PLA2G5: variants seen among roughly 807,000 people sequenced by gnomAD.
The protein encoded by PLA2G5 is Ca2+-dependent phospholipase A2.
In PLA2G5, 12 loss-of-function variants were observed where a neutral mutation model predicts 15.9. The observed-to-expected ratio is 0.76, with a 90% CI of 0.48 to 1.23. The LOEUF is 1.23. PLA2G5 is among the 50% of genes most tolerant of loss of function. The probability of loss-of-function intolerance (pLI) is 0.00; values close to 1 mark genes in which losing one functional copy is unlikely to be tolerated. For missense variants in PLA2G5, 169 were observed against 177.1 expected, an observed-to-expected ratio of 0.95 and a Z score of 0.26; for synonymous variants, 71 against 71.4, an observed-to-expected ratio of 0.99 and a Z score of 0.03.
intron 1 of PLA2G5, among the ~76,000 whole-genome samples, chr1:20,053,898 C>A (rs1557732338): frequency 6.6e-6 from 1 of 152,156 alleles, no homozygotes; most frequent in Non-Finnish European, 1.5e-5. Flanking sequence ...TTTATAGTAC[C>A]ATACTACACA....
Position 20,091,708 on chromosome 1 carries a change from A to G in PLA2G5, c.*1016A>G, listed in dbSNP as rs984352870. ...AAAAAACCAACCCGTCTATCAATTC[A>G]TAAAAGAAAGGATGTTCTGATACCA... On this transcript the variant is annotated 3_prime_UTR_variant, in exon 5 of 5. Transcript: ENST00000375108. Among the ~76,000 whole-genome samples the G allele has an allele frequency of 6.6e-6, 1 of 152,164 alleles. No individual in the cohort carries two copies. Among genetic ancestry groups the G allele is most frequent in the African/African-American group, 2.4e-5 (1 of 41,432 alleles).
At chr1:20,035,225 A>G (rs763384428) in intron 1 of PLA2G5, among the ~76,000 whole-genome samples, 11 of 152,150 alleles carry the variant, frequency 7.2e-5, no homozygotes, top group Middle Eastern at 3.2e-3. Flanking sequence ...GAGATGGGAG[A>G]CCAACTTAAT....
intron 2 of PLA2G5, 37 bp from the exon 3 acceptor site, chr1:20,086,046 G>C (rs1446751556): frequency 8.1e-6 from 13 of 1,611,892 alleles, no homozygotes; most frequent in Non-Finnish European, 1.1e-5. Context: ...GGGCTGGGCT[G>C]CCTGGGTGTC....
intron 1 of PLA2G5, chr1:20,070,747 G>T (rs656110): frequency 6.6e-6 from 1 of 152,160 alleles, no homozygotes; most frequent in South Asian, 2.1e-4. Context: ...ACCAGGGAGA[G>T]TTATGAACAG....
chr1:20,029,342 C>T (rs1475750373), intron 1 of PLA2G5, among the ~76,000 whole-genome samples: 2 of 152,140 alleles, frequency 1.3e-5, no homozygotes, highest in Non-Finnish European at 2.9e-5. Context: ...TGTGTTCCTC[C>T]CCTGATACGT....
chr1:20,086,250 C>T (rs774101682), intron 3 of PLA2G5, 23 bp downstream of exon 3: 2 of 1,612,408 alleles, frequency 1.2e-6, no homozygotes, highest in South Asian at 2.2e-5. Context: ...CTATAACTGC[C>T]CTTTAGGCTC....
intron 1 of PLA2G5, among the ~76,000 whole-genome samples, chr1:20,056,527 T>C (rs1191342969): frequency 6.6e-6 from 1 of 152,220 alleles, no homozygotes; most frequent in Non-Finnish European, 1.5e-5. Flanking sequence ...TAATTGATTT[T>C]AAAATGTTGG....
chr1:20,076,370 G>A (rs2015680629), intron 1 of PLA2G5, among the ~76,000 whole-genome samples: 3 of 152,120 alleles, frequency 2.0e-5, no homozygotes, highest in African/African-American at 7.2e-5. Flanking sequence ...TTAACCAACT[G>A]TAACTCAGCT....
At chr1:20,074,773 G>A (rs747293660) in intron 1 of PLA2G5, among the ~76,000 whole-genome samples, 7 of 152,222 alleles carry the variant, frequency 4.6e-5, no homozygotes, top group African/African-American at 1.2e-4. Context: ...ACTGCTTAGC[G>A]CGTCCGTGCC....
intron 1 of PLA2G5, among the ~76,000 whole-genome samples, chr1:20,058,176 C>T (rs1234002245): frequency 6.6e-6 from 1 of 152,122 alleles, no homozygotes; most frequent in African/African-American, 2.4e-5. Flanking sequence ...CAACTATGTC[C>T]TTACTGACTT....
rs1308705773 is a variant in PLA2G5 at position 20,091,181 on chromosome 1, T to G, written c.*489T>G. On this transcript the variant is annotated 3_prime_UTR_variant, in exon 5 of 5. Transcript: ENST00000375108. ...AGGCTAATAAAAACCACATTGGCAT[T>G]TTCCTCTGCTGTGGGGGATCGCTGG... 1 of 153,192 alleles carries G rather than the reference T, an allele frequency of 6.5e-6. No homozygotes were observed. Among genetic ancestry groups the G allele is most frequent in the African/African-American group, 2.4e-5 (1 of 41,462 alleles). 9.5% of individuals were successfully genotyped at this position (153,192 alleles called of 1,614,324 possible).
chr1:20,087,992 C>A (rs2016378297), intron 3 of PLA2G5, among the ~76,000 whole-genome samples: 1 of 152,154 alleles, frequency 6.6e-6, no homozygotes, highest in Non-Finnish European at 1.5e-5. Context: ...AAATGTCTAA[C>A]CAGTACCCCC....
intron 1 of PLA2G5, among the ~76,000 whole-genome samples, chr1:20,051,256 C>G (rs1373806177): frequency 6.6e-6 from 1 of 152,116 alleles, no homozygotes; most frequent in Non-Finnish European, 1.5e-5. Context: ...TTATGAAACT[C>G]TAACAGGTGC....
At chr1:20,064,425 A>G (rs2014907459) in intron 2 of PLA2G5, among the ~76,000 whole-genome samples, 1 of 152,012 alleles carries the variant, frequency 6.6e-6, no homozygotes. Context: ...AATACAAAAA[A>G]TTAGCTGGGC....
intron 1 of PLA2G5, among the ~76,000 whole-genome samples, chr1:20,044,995 G>A (rs1290248317): frequency 1.3e-5 from 2 of 152,122 alleles, no homozygotes; most frequent in Non-Finnish European, 2.9e-5. Flanking sequence ...TGGATATCAG[G>A]CATCTCAGAC....
intron 1 of PLA2G5, among the ~76,000 whole-genome samples, chr1:20,047,823 A>T (rs2013991260): frequency 1.3e-5 from 2 of 151,902 alleles, no homozygotes; most frequent in Admixed American, 1.3e-4. Context: ...AATTCAATCC[A>T]TTTTAATTTT....
chr1:20,073,719 T>G (rs544545895), intron 1 of PLA2G5, among the ~76,000 whole-genome samples: 302 of 151,982 alleles, frequency 2.0e-3, no homozygotes, highest in Non-Finnish European at 3.7e-3. Flanking sequence ...CCCGTCTCTA[T>G]GAAAAATACA....
At chr1:20,028,781 A>G (rs1212001589) in intron 1 of PLA2G5, 2 of 152,352 alleles carry the variant, frequency 1.3e-5, no homozygotes, top group African/African-American at 2.4e-5. Flanking sequence ...GTAACCTGCT[A>G]TCACGGTTCT....
intron 3 of PLA2G5, 62 bp from the exon 4 acceptor site, chr1:20,089,727 A>G: frequency 7.3e-7 from 1 of 1,361,618 alleles, no homozygotes; most frequent in African/African-American, 1.4e-5. Context: ...TTTTGCTCCT[A>G]TTAGGGATGG....
Sources: gnomAD v4.1 joint callset for allele counts (sites outside exome capture counted in the v4.1 genomes callset) on GRCh38, gnomAD v4.1.1 for gene constraint, MANE v1.5 for transcripts, NCBI Gene and HGNC (gene_info 2026-07-23, HGNC 2026-07-21) for gene names.